THADA: variants seen among roughly 807,000 people sequenced by gnomAD.
THADA encodes the protein tRNA (32-2'-O)-methyltransferase regulator THADA.
Under a neutral mutation model 219.8 loss-of-function variants are expected in THADA, and 213 were observed. The ratio of observed to expected loss-of-function variants is 0.97; its 90% CI spans 0.87 to 1.09. The LOEUF (loss-of-function observed/expected upper bound fraction) is 1.09. Among genes scored for constraint, THADA ranks in the 50% least tolerant of loss-of-function variants. The pLI, the probability that THADA is intolerant of heterozygous loss-of-function variation, is 0.00. For synonymous variants in THADA, 1,018 were observed against 828.9 expected (o/e 1.23, Z -3.92); for missense variants, 2,956 against 2,311.3 (o/e 1.28, Z -5.72).
At chr2:43,473,387 C>A (rs1685145006) in intron 26 of THADA, among the ~76,000 whole-genome samples, 1 of 152,152 alleles carries the variant, frequency 6.6e-6, no homozygotes. Flanking sequence ...ACTGAAAGGT[C>A]ATCAGGAGCA....
intron 28 of THADA, among the ~76,000 whole-genome samples, chr2:43,410,946 T>C (rs918397468): frequency 6.6e-5 from 10 of 152,258 alleles, no homozygotes; most frequent in Non-Finnish European, 2.9e-5. Flanking sequence ...CTTGCTTTCT[T>C]AGCCTCCAGC....
At chr2:43,331,935 A>G (rs1665826118) in intron 30 of THADA, among the ~76,000 whole-genome samples, 1 of 151,960 alleles carries the variant, frequency 6.6e-6, no homozygotes, top group Non-Finnish European at 1.5e-5. Context: ...ACACACACAC[A>G]CACACACACA....
At position 43,437,553 on chromosome 2, in the gene THADA, C is replaced by G. The variant is rs904573183; in HGVS notation, c.3837-7251G>C. Among the ~76,000 whole-genome samples, 13 of 152,136 alleles carry G rather than the reference C, an allele frequency of 8.5e-5. 1 individual carries two copies. Among genetic ancestry groups the G allele is most frequent in the Admixed American group, 8.5e-4 (13 of 15,280 alleles). Reference sequence around the variant, plus strand: ...AAACTGAATGGATTTGGTGCCAACTCATCACTTAGATTAATCGAAGGAGCC... The same window carrying G: ...AAACTGAATGGATTTGGTGCCAACTGATCACTTAGATTAATCGAAGGAGCC... On this transcript the variant is annotated intron_variant, in intron 26 of 37. Coordinates refer to ENST00000405975, the MANE Select transcript of THADA (RefSeq NM_022065.5).
chr2:43,280,811 A>G (rs1277167483), intron 35 of THADA, among the ~76,000 whole-genome samples: 8 of 152,232 alleles, frequency 5.3e-5, no homozygotes, highest in Non-Finnish European at 1.2e-4. Context: ...AATGAATAAT[A>G]AAAGATAGTA....
At chr2:43,505,769 C>A in intron 23 of THADA, 34 bp from the exon 24 acceptor site, 1 of 1,462,506 alleles carries the variant, frequency 6.8e-7, no homozygotes, top group African/African-American at 1.4e-5. Flanking sequence ...TAACAGGGTT[C>A]TTAGTTTACA....
chr2:43,387,678 G>A (rs932610050), intron 29 of THADA, among the ~76,000 whole-genome samples: 3 of 152,058 alleles, frequency 2.0e-5, no homozygotes, highest in Non-Finnish European at 2.9e-5. Flanking sequence ...GCCTCCCTAG[G>A]GGACATAGGG....
At chr2:43,581,647 G>A (rs1700471355) in intron 8 of THADA, 94 bp downstream of exon 8, 3 of 1,073,838 alleles carry the variant, frequency 2.8e-6, no homozygotes, top group Non-Finnish European at 4.0e-6. Context: ...TCTCAGTTAA[G>A]TATCACATTT....
At chr2:43,259,941 A>G (rs541626758) in intron 36 of THADA, among the ~76,000 whole-genome samples, 2 of 152,338 alleles carry the variant, frequency 1.3e-5, no homozygotes, top group South Asian at 4.1e-4. Flanking sequence ...TCCACCTGGT[A>G]TGATCATGCC....
chr2:43,272,906 A>G (rs1041792556), intron 36 of THADA, among the ~76,000 whole-genome samples: 10 of 151,918 alleles, frequency 6.6e-5, no homozygotes, highest in Admixed American at 3.3e-4. Flanking sequence ...GATTACAGGT[A>G]TGTGCCACTG....
chr2:43,344,183 A>C lies in THADA; in HGVS notation c.4282T>G (p.Phe1428Val), dbSNP rs757084513. Residue 1428 changes from phenylalanine (F) to valine (V), a missense_variant, in exon 30 of 38, where the codon TTC becomes GTC. Transcript: ENST00000405975. ...SDSKHGTNSDFQHELTDITVC... is the reference protein window; with the variant it reads ...SDSKHGTNSDVQHELTDITVC... Reference sequence around the variant, plus strand: ...GTGATGTCAGTCAGCTCGTGCTGGAAGTCTGAATTCGTTCCGTGTTTGGAG... The same window carrying C: ...GTGATGTCAGTCAGCTCGTGCTGGACGTCTGAATTCGTTCCGTGTTTGGAG... The C allele has an allele frequency of 3.1e-6, 5 of 1,612,786 alleles. No homozygotes were observed. The African/African-American group carries it at 5.3e-5, about 17-fold the overall frequency.
intron 29 of THADA, among the ~76,000 whole-genome samples, chr2:43,371,420 T>C (rs1670790471): frequency 6.6e-6 from 1 of 152,220 alleles, no homozygotes; most frequent in South Asian, 2.1e-4. Flanking sequence ...ATTTCTACAC[T>C]GATTAGAATG....
At chr2:43,339,049 T>C (rs1294633276) in intron 30 of THADA, among the ~76,000 whole-genome samples, 2 of 152,060 alleles carry the variant, frequency 1.3e-5, no homozygotes, top group African/African-American at 4.8e-5. Flanking sequence ...CTTGACAAAG[T>C]TAAAAAAAAG....
chr2:43,280,018 C>A, intron 35 of THADA, 122 bp from the exon 36 acceptor site: 1 of 994,614 alleles, frequency 1.0e-6, no homozygotes, highest in Non-Finnish European at 1.4e-6. Flanking sequence ...CTCTTTTTTT[C>A]TGGGTATTGT....
At chr2:43,295,853 C>T (rs2104383478) in intron 31 of THADA, among the ~76,000 whole-genome samples, 1 of 151,388 alleles carries the variant, frequency 6.6e-6, no homozygotes, top group African/African-American at 2.4e-5. Flanking sequence ...GGGGACTGGA[C>T]TTGGGCTCCA....
chr2:43,574,136 G>A (rs1260258693), intron 11 of THADA, among the ~76,000 whole-genome samples, 200 bp downstream of exon 11: 2 of 152,130 alleles, frequency 1.3e-5, no homozygotes, highest in Admixed American at 1.3e-4. Flanking sequence ...TCTTTAGCTT[G>A]TAGAAATGAC....
chr2:43,540,406 A>G (rs1350041033), intron 21 of THADA, among the ~76,000 whole-genome samples: 3 of 152,224 alleles, frequency 2.0e-5, no homozygotes, highest in African/African-American at 4.8e-5. Flanking sequence ...TATTATAGAA[A>G]TAATCAGCAT....
intron 34 of THADA, among the ~76,000 whole-genome samples, chr2:43,289,542 T>C (rs963168183): frequency 2.2e-4 from 34 of 152,378 alleles, no homozygotes; most frequent in Admixed American, 1.0e-3. Context: ...ACTTTATTCA[T>C]GTAGTGGACA....
chr2:43,458,242 T>C (rs910318797), intron 26 of THADA, among the ~76,000 whole-genome samples: 6 of 152,188 alleles, frequency 3.9e-5, no homozygotes, highest in Non-Finnish European at 7.3e-5. Flanking sequence ...CTGCGTCGTA[T>C]GTTTTGACCT....
At chr2:43,433,042 A>G (rs1396689126) in intron 26 of THADA, among the ~76,000 whole-genome samples, 2 of 152,156 alleles carry the variant, frequency 1.3e-5, no homozygotes, top group Admixed American at 6.5e-5. Flanking sequence ...ATCTCTACCT[A>G]CCTAAGAAAG....
Sources: gnomAD v4.1 joint callset for allele counts (sites outside exome capture counted in the v4.1 genomes callset) on GRCh38, gnomAD v4.1.1 for gene constraint, MANE v1.5 for transcripts, NCBI Gene and HGNC (gene_info 2026-07-23, HGNC 2026-07-21) for gene names.